Variants in DLG2 observed in about 807,000 individuals in gnomAD.
DLG2 encodes the protein discs large MAGUK scaffold protein 2, also known as disks large homolog 2.
In DLG2, 45 loss-of-function variants were observed where a neutral mutation model predicts 132.5. The ratio of observed to expected loss-of-function variants is 0.34; its 90% CI spans 0.27 to 0.44. DLG2 has a LOEUF of 0.44. Ranked by LOEUF, DLG2 falls within the 20% of genes least tolerant of loss-of-function variation. The pLI is 1.00. For synonymous variants in DLG2, 424 were observed against 419.6 expected (o/e 1.01, Z -0.13); for missense variants, 1,045 against 1,196.9 (o/e 0.87, Z 1.87).
At chr11:85,023,076 T>TA (rs996003318) in intron 6 of DLG2, among the ~76,000 whole-genome samples, 1 of 151,826 alleles carries the variant, frequency 6.6e-6, no homozygotes, top group African/African-American at 2.4e-5. Context: ...ACATCGATAC[T>TA]AAAAAAATGA....
intron 7 of DLG2, among the ~76,000 whole-genome samples, chr11:84,337,604 A>G (rs1386399369): frequency 2.0e-5 from 3 of 152,074 alleles, no homozygotes; most frequent in Non-Finnish European, 2.9e-5. Flanking sequence ...TACTCTTCTC[A>G]GTAGAATTTG....
At chr11:85,570,017 G>A (rs2077756003) in intron 3 of DLG2, among the ~76,000 whole-genome samples, 1 of 152,164 alleles carries the variant, frequency 6.6e-6, no homozygotes, top group African/African-American at 2.4e-5. Flanking sequence ...GTACGAAGTG[G>A]GGCATGGGTT....
chr11:85,296,469 T>C (rs1204351869), intron 3 of DLG2, among the ~76,000 whole-genome samples: 1 of 15,312 alleles, frequency 6.5e-5, no homozygotes, highest in Admixed American at 6.0e-4. Context: ...TCGATTTTCT[T>C]TTTTTTTTTT....
At chr11:84,848,751 G>A (rs1345374047) in intron 6 of DLG2, among the ~76,000 whole-genome samples, 3 of 152,116 alleles carry the variant, frequency 2.0e-5, no homozygotes, top group African/African-American at 7.2e-5. Context: ...AGGCTTTGGG[G>A]TAGAAGGAAA....
At chr11:84,303,486 G>C (rs565072844) in intron 7 of DLG2, among the ~76,000 whole-genome samples, 33 of 152,150 alleles carry the variant, frequency 2.2e-4, no homozygotes, top group Non-Finnish European at 2.9e-4. Context: ...GTCTACAACA[G>C]AGTATACAGA....
chr11:83,722,728 G>A (rs76300055), intron 18 of DLG2, among the ~76,000 whole-genome samples: 1,844 of 152,252 alleles, frequency 0.012, 32 homozygotes, highest in African/African-American at 0.041. Context: ...AGCCAACTTA[G>A]GTGAATAAAC....
Position 85,470,146 on chromosome 11 carries a change from T to TAA in DLG2, c.40+128509_40+128510dup, listed in dbSNP as rs533121148. Among the ~76,000 whole-genome samples the TAA allele has an allele frequency of 3.7e-4, 46 of 123,002 alleles. 1 individual carries two copies. The highest frequency in any genetic ancestry group is 1.7e-4 in the Non-Finnish European group (10 of 57,542). The allele number at this position is 123,002 out of a possible 152,430, so 80.7% of individuals were successfully genotyped here. ...ATTTTCTCCCTAGATACCAACAATGTAAAAAAAAAAAAAAGTAACTTTGGT... is the reference window on the plus strand; with the variant it reads ...ATTTTCTCCCTAGATACCAACAATGTAAAAAAAAAAAAAAAAGTAACTTTGGT... On this transcript the variant is annotated intron_variant, in intron 3 of 27. Transcript: ENST00000376104.
At chr11:84,855,565 C>T (rs1003174234) in intron 6 of DLG2, among the ~76,000 whole-genome samples, 4 of 151,972 alleles carry the variant, frequency 2.6e-5, no homozygotes, top group African/African-American at 7.2e-5. Flanking sequence ...AAACAAGAAA[C>T]ATCTTCTCTC....
At chr11:84,091,076 T>G (rs1459718015) in intron 10 of DLG2, among the ~76,000 whole-genome samples, 1 of 152,210 alleles carries the variant, frequency 6.6e-6, no homozygotes, top group Admixed American at 6.5e-5. Flanking sequence ...CTTTGTGTAG[T>G]GCAAAAATGA....
At chr11:85,027,459 C>T (rs372601904) in intron 6 of DLG2, among the ~76,000 whole-genome samples, 61 of 152,228 alleles carry the variant, frequency 4.0e-4, no homozygotes, top group East Asian at 3.5e-3. Context: ...GTATTGCTCG[C>T]GCCCACAGGG....
intron 10 of DLG2, 70 bp from the exon 11 acceptor site, chr11:84,059,554 T>C (rs1364179568): frequency 8.4e-7 from 1 of 1,185,184 alleles, no homozygotes; most frequent in Non-Finnish European, 1.1e-6. Flanking sequence ...TTATTATGTT[T>C]ATCTGACCTT....
At chr11:83,564,501 T>G (rs2096667905) in intron 19 of DLG2, among the ~76,000 whole-genome samples, 1 of 152,166 alleles carries the variant, frequency 6.6e-6, no homozygotes, top group Non-Finnish European at 1.5e-5. Context: ...TAGCTGTTCA[T>G]AATAACCCAA....
intron 3 of DLG2, among the ~76,000 whole-genome samples, chr11:85,380,055 GCCC>G (rs1260729520): frequency 6.6e-6 from 1 of 151,952 alleles, no homozygotes; most frequent in Non-Finnish European, 1.5e-5. Flanking sequence ...ACAAAATATT[GCCC>G]CCAAGATTTT....
chr11:84,600,211 A>AGAAAGAAG (rs2099573304), intron 6 of DLG2, among the ~76,000 whole-genome samples: 1 of 137,428 alleles, frequency 7.3e-6, no homozygotes, highest in Non-Finnish European at 1.5e-5. Flanking sequence ...AAAGAAAGAA[A>AGAAAGAAG]GAAAGAAAGA....
chr11:84,681,161 T>C (rs942197340), intron 6 of DLG2, among the ~76,000 whole-genome samples: 2 of 152,212 alleles, frequency 1.3e-5, no homozygotes, highest in Non-Finnish European at 2.9e-5. Context: ...ATTTGAGAAA[T>C]GTATTCAATA....
chr11:85,251,354 T>C (rs1406494068), intron 4 of DLG2, among the ~76,000 whole-genome samples: 1 of 152,210 alleles, frequency 6.6e-6, no homozygotes, highest in African/African-American at 2.4e-5. Context: ...ATGTAGCACA[T>C]CGTTATATAT....
At chr11:84,448,013 A>AT (rs1304805887) in intron 7 of DLG2, among the ~76,000 whole-genome samples, 4 of 152,062 alleles carry the variant, frequency 2.6e-5, no homozygotes, top group East Asian at 1.9e-4. Flanking sequence ...AAATAAGGCC[A>AT]TTTTTTTGAA....
chr11:85,508,523 A>G (rs2093986422), intron 3 of DLG2, among the ~76,000 whole-genome samples: 1 of 151,984 alleles, frequency 6.6e-6, no homozygotes, highest in Non-Finnish European at 1.5e-5. Flanking sequence ...TTACCAGCTG[A>G]CCTATTAAAT....
At chr11:85,235,865 T>C (rs973893600) in intron 4 of DLG2, among the ~76,000 whole-genome samples, 2 of 151,936 alleles carry the variant, frequency 1.3e-5, no homozygotes, top group East Asian at 3.9e-4. Context: ...GTAAAAGTTG[T>C]TGAGGAATAA....
Sources: gnomAD v4.1 joint callset for allele counts (sites outside exome capture counted in the v4.1 genomes callset) on GRCh38, gnomAD v4.1.1 for gene constraint, MANE v1.5 for transcripts, NCBI Gene and HGNC (gene_info 2026-07-23, HGNC 2026-07-21) for gene names.